CEP192: variants seen among roughly 807,000 people sequenced by gnomAD.
CEP192 encodes the protein centrosomal protein of 192 kDa.
A neutral mutation model predicts 271.8 loss-of-function variants in CEP192; 151 were observed. That is an observed-to-expected ratio of 0.56 (90% CI 0.49 to 0.64). The LOEUF (loss-of-function observed/expected upper bound fraction) is 0.64. Ranked by LOEUF, CEP192 falls within the 30% of genes least tolerant of loss-of-function variation. The probability of loss-of-function intolerance (pLI) is 0.00; values close to 1 mark genes in which losing one functional copy is unlikely to be tolerated. For synonymous variants in CEP192, 995 were observed against 1,076.5 expected (o/e 0.92, Z 1.48); for missense variants, 2,910 against 3,020.5 (o/e 0.96, Z 0.86).
chr18:13,096,373 C>G, intron 36 of CEP192, 66 bp downstream of exon 36: 2 of 1,574,464 alleles, frequency 1.3e-6, no homozygotes, highest in Non-Finnish European at 1.7e-6. Flanking sequence ...TTCTAAAGAT[C>G]AAATAATATG....
chr18:13,019,141 T>G lies in CEP192; in HGVS notation c.985T>G (p.Ser329Ala), dbSNP rs2034836438. The change falls in exon 9 of 45, where the codon TCT becomes GCT. Residue 329 changes from serine to alanine, a missense_variant. Coordinates refer to ENST00000506447, the MANE Select transcript of CEP192 (RefSeq NM_032142.4). ...RYTDGMLPFS[S>A]GTWGTEKEIE... ...CACAGATGGTATGTTACCATTTTCC[T>G]CTGGTACTTGGGGAACTGAGAAAGA... 1 of 1,545,196 alleles carries G rather than the reference T, an allele frequency of 6.5e-7. No homozygotes were observed. Among genetic ancestry groups the G allele is most frequent in the Non-Finnish European group, 8.7e-7 (1 of 1,143,782 alleles).
chr18:13,087,592 T>C lies in CEP192; in HGVS notation c.5939T>C (p.Leu1980Pro). Residue 1980 changes from leucine (L) to proline (P), a missense_variant, in exon 32 of 45, where the codon CTA becomes CCA. Leu to Pro is a moderately conservative substitution (Grantham distance 98, BLOSUM62 -3). Coordinates refer to ENST00000506447, the MANE Select transcript of CEP192 (RefSeq NM_032142.4). ...ATCAATAATAAAACTGCAACAGAAC[T>C]ATCAACTGTATACTTATTTGGTGGA... The part of the protein sequence containing the change: ...RGINNKTATE[L>P]STVYLFGGDE... The C allele has an allele frequency of 6.3e-7, 1 of 1,586,850 alleles. No homozygotes were observed. Among genetic ancestry groups the C allele is most frequent in the Non-Finnish European group, 8.6e-7 (1 of 1,165,852 alleles).
chr18:13,027,334 A>C (rs1027010717), intron 9 of CEP192, among the ~76,000 whole-genome samples: 1 of 152,042 alleles, frequency 6.6e-6, no homozygotes, highest in African/African-American at 2.4e-5. Context: ...ATTTTTCTCC[A>C]TTATTTGCTG....
chr18:13,095,602 C>T lies in CEP192; in HGVS notation c.6354C>T (p.Arg2118=). ...CTCCTCTTCTCTCACGGGCGGCTCG[C>T]CCGCCTCTGGATCAGCTGGCCTCCG... ...QGSPLLSRAA[R]PPLDQLASEE... is the part of the protein sequence containing the mutation. The change falls in exon 35 of 45, where the codon CGC becomes CGT. Residue 2118 remains arginine, a synonymous_variant. Transcript: ENST00000506447. 1 of 1,614,204 alleles carries T rather than the reference C, an allele frequency of 6.2e-7. No homozygotes were observed. The highest frequency in any genetic ancestry group is 8.5e-7 in the Non-Finnish European group (1 of 1,180,002).
chr18:13,024,358 T>C, intron 9 of CEP192: 1 of 456,350 alleles, frequency 2.2e-6, no homozygotes, highest in Non-Finnish European at 4.4e-6. Flanking sequence ...TCTCCATCCA[T>C]TTACTTTTAA....
chr18:13,014,849 C>G (rs2034552552), intron 5 of CEP192, among the ~76,000 whole-genome samples: 2 of 152,110 alleles, frequency 1.3e-5, no homozygotes, highest in Non-Finnish European at 2.9e-5. Flanking sequence ...GTTACATTTT[C>G]ATTCTGGGCC....
intron 7 of CEP192, among the ~76,000 whole-genome samples, chr18:13,018,227 G>A (rs529358193): frequency 1.4e-4 from 21 of 152,202 alleles, no homozygotes; most frequent in African/African-American, 4.3e-4. Context: ...TTTCCCCTTC[G>A]TTATTAATAA....
At chr18:13,030,076 T>TA in intron 10 of CEP192, 74 bp downstream of exon 10, 1 of 1,152,642 alleles carries the variant, frequency 8.7e-7, no homozygotes, top group Admixed American at 2.7e-5. Context: ...TATTTTCATG[T>TA]GAAATGTGCC....
chr18:13,094,844 T>A (rs547900158), intron 34 of CEP192, among the ~76,000 whole-genome samples: 1 of 152,346 alleles, frequency 6.6e-6, no homozygotes, highest in African/African-American at 2.4e-5. Flanking sequence ...TCCACATTTA[T>A]ACCCTTTTCT....
At chr18:13,112,411 C>T (rs556123952) in intron 40 of CEP192, among the ~76,000 whole-genome samples, 2 of 152,290 alleles carry the variant, frequency 1.3e-5, no homozygotes, top group East Asian at 3.9e-4. Context: ...TGTGAAATGT[C>T]TAGGACAGGC....
intron 40 of CEP192, among the ~76,000 whole-genome samples, chr18:13,105,817 CA>C (rs1414280526): frequency 6.6e-6 from 1 of 152,150 alleles, no homozygotes; most frequent in African/African-American, 2.4e-5. Context: ...AGCAGAAGAA[CA>C]GGGGATAAGC....
intron 21 of CEP192, 138 bp downstream of exon 21, chr18:13,059,450 A>T: frequency 1.6e-6 from 1 of 639,574 alleles, no homozygotes. Flanking sequence ...TTTGGTTCTT[A>T]ATATCTTTTT....
rs547756954 is a variant in CEP192 at position 13,098,546 on chromosome 18, G to A, written c.6558-930G>A. Among the ~76,000 whole-genome samples, 357 of 150,712 alleles carry A rather than the reference G, an allele frequency of 2.4e-3. 3 individuals are homozygous for A. The highest frequency in any genetic ancestry group is 4.4e-3 in the Non-Finnish European group (297 of 67,706). On this transcript the variant is annotated intron_variant, in intron 36 of 44. Transcript: ENST00000506447. Reference sequence around the variant, plus strand: ...GCGCTCCTCACATCCCAGACTGGGCGGCGGGGCAGAGGCGCTCCCCACATC... The same window carrying A: ...GCGCTCCTCACATCCCAGACTGGGCAGCGGGGCAGAGGCGCTCCCCACATC...
intron 6 of CEP192, among the ~76,000 whole-genome samples, chr18:13,015,732 T>C (rs1416460148): frequency 6.6e-6 from 1 of 152,094 alleles, no homozygotes; most frequent in Admixed American, 6.6e-5. Context: ...GTTTAGAAAT[T>C]AGGGGAACCA....
At chr18:13,027,659 G>A (rs186477242) in intron 9 of CEP192, among the ~76,000 whole-genome samples, 4 of 152,186 alleles carry the variant, frequency 2.6e-5, no homozygotes, top group South Asian at 2.1e-4. Context: ...ACTTGTTGTC[G>A]GGATGGAGTG....
chr18:13,045,479 A>G (rs377216645), intron 15 of CEP192, among the ~76,000 whole-genome samples: 155 of 152,298 alleles, frequency 1.0e-3, no homozygotes, highest in African/African-American at 3.4e-3. Context: ...CATTTGTTCA[A>G]TTTTTGAAAA....
Position 12,999,481 on chromosome 18 carries a change from A to G in CEP192, c.57A>G (p.Ser19=). 6.5e-7 allele frequency: 1 copy of G among 1,550,204 alleles called. No individual in the cohort carries two copies. The highest frequency in any genetic ancestry group is 8.7e-7 in the Non-Finnish European group (1 of 1,146,518). The part of the protein sequence containing the change: ...EESFPSFLTN[S]LFGNSGILEN... ...CATTTCCAAGCTTTCTCACCAATTC[A>G]TTATTTGGTAACAGTGGGATTTTGG... Residue 19 remains serine, a synonymous_variant, in exon 2 of 45, where the codon TCA becomes TCG. Transcript: ENST00000506447.
chr18:13,119,680 A>AGT (rs1457092572), intron 44 of CEP192, among the ~76,000 whole-genome samples: 5 of 152,210 alleles, frequency 3.3e-5, no homozygotes, highest in African/African-American at 4.8e-5. Context: ...AGGCAGTTGT[A>AGT]GTGAGCTGAG....
intron 9 of CEP192, among the ~76,000 whole-genome samples, chr18:13,026,476 C>A (rs1268085685): frequency 1.3e-5 from 2 of 152,140 alleles, no homozygotes; most frequent in Non-Finnish European, 2.9e-5. Flanking sequence ...ATTATTGTTG[C>A]AAATATTCTG....
Sources: allele counts gnomAD v4.1 joint callset (sites outside exome capture counted in the v4.1 genomes callset), GRCh38; gene constraint gnomAD v4.1.1; transcripts MANE v1.5; gene names NCBI Gene and HGNC (gene_info 2026-07-23, HGNC 2026-07-21).